TAPBP: variants seen among roughly 807,000 people sequenced by gnomAD.
The protein encoded by TAPBP is tapasin.
A neutral mutation model predicts 45.7 loss-of-function variants in TAPBP; 38 were observed. That is an observed-to-expected ratio of 0.83 (90% CI 0.64 to 1.09). The LOEUF is 1.09. Ranked by LOEUF, TAPBP falls within the 50% of genes least tolerant of loss-of-function variation. TAPBP has a pLI of 0.00. For synonymous variants in TAPBP, 226 were observed against 254.8 expected (o/e 0.89, Z 1.08); for missense variants, 513 against 587.3 (o/e 0.87, Z 1.31).
intron 4 of TAPBP, 148 bp downstream of exon 4, chr6:33,304,841 T>C: frequency 7.3e-7 from 1 of 1,361,482 alleles, no homozygotes; most frequent in Non-Finnish European, 1.0e-6. Flanking sequence ...ACTTCTAGCC[T>C]CCCATTACCC....
chr6:33,305,727 C>T lies in TAPBP; in HGVS notation c.470-340G>A, dbSNP rs1768932406. On this transcript the variant is annotated intron_variant, in intron 3 of 7. Coordinates refer to ENST00000434618, the MANE Select transcript of TAPBP (RefSeq NM_003190.5). This position sits in a 1 kb window ranked among gnomAD's most constrained non-coding sequence, Gnocchi z 4.4. ...AGGCCACTTCTGACACAACCTGAAC[C>T]ACTCTATCTCCAAGCACCACCCTTG... 6.6e-6 allele frequency among the ~76,000 whole-genome samples: 1 copy of T among 152,200 alleles called. No individual in the cohort carries two copies. The highest frequency in any genetic ancestry group is 1.5e-5 in the Non-Finnish European group (1 of 68,032).
In TAPBP at chr6:33,304,337, A is replaced by G. The variant is rs767948022; in HGVS notation, c.1170T>C (p.Pro390=). Residue 390 remains proline, a synonymous_variant, in exon 5 of 8, where the codon CCT becomes CCC. Transcript: ENST00000434618. ...YACRIHHPSL[P]ASGRSAEVTL... is the part of the protein sequence containing the mutation. The stretch of plus-strand genomic sequence containing the variant: ...TGACCTCAGCGCTGCGCCCCGAGGC[A>G]GGCAGGCTGGGATGGTGAATTCGAC... 9.3e-6 allele frequency: 15 copies of G among 1,608,828 alleles called. No homozygotes were observed. Among genetic ancestry groups the G allele is most frequent in the South Asian group, 2.2e-5 (2 of 90,602 alleles).
intron 3 of TAPBP, among the ~76,000 whole-genome samples, chr6:33,311,733 C>T (rs11969475): frequency 6.6e-6 from 1 of 152,236 alleles, no homozygotes; most frequent in Admixed American, 6.5e-5. Context: ...CCGGGCACTT[C>T]CAGGGCTCCC....
intron 7 of TAPBP, 141 bp from the exon 8 acceptor site, chr6:33,301,912 C>G: frequency 8.4e-7 from 1 of 1,186,408 alleles, no homozygotes; most frequent in Non-Finnish European, 1.2e-6. Context: ...CCTCCAGACA[C>G]TGCTGAGTGC....
At chr6:33,310,523 A>G (rs1769275049) in intron 3 of TAPBP, among the ~76,000 whole-genome samples, 2 of 150,708 alleles carry the variant, frequency 1.3e-5, no homozygotes, top group South Asian at 4.2e-4. Context: ...AAAAAAAAAA[A>G]AAAAAAGTAT....
rs200280998 is a variant in TAPBP, at chr6:33,304,533, C to A, written c.974G>T (p.Gly325Val). 2.9e-5 allele frequency: 47 copies of A among 1,612,362 alleles called. No homozygotes were observed. Among genetic ancestry groups the A allele is most frequent in the Non-Finnish European group, 3.9e-5 (46 of 1,179,892 alleles). Residue 325 changes from glycine to valine, a missense_variant, in exon 5 of 8, where the codon GGC becomes GTC. By Grantham distance (109) the Gly-to-Val change is moderately radical (BLOSUM62 -3). Coordinates refer to ENST00000434618, the MANE Select transcript of TAPBP (RefSeq NM_003190.5). ...CCGGAGTTCCCACTCCACCTCCAGG[C>A]CCCCAGAAGGGTAGAAGTGGGACAC... is the stretch of plus-strand genomic sequence containing the variant. The part of the protein sequence containing the change: ...CLVSHFYPSG[G>V]LEVEWELRGG...
intron 3 of TAPBP, among the ~76,000 whole-genome samples, chr6:33,311,502 C>A (rs981689545): frequency 1.3e-5 from 2 of 151,918 alleles, no homozygotes; most frequent in African/African-American, 4.8e-5. Flanking sequence ...GTGGCAGGCA[C>A]CTGTAATCCC....
intron 3 of TAPBP, among the ~76,000 whole-genome samples, chr6:33,312,710 G>A (rs1769439600): frequency 6.6e-6 from 1 of 152,268 alleles, no homozygotes. Context: ...GCGCTAGAGT[G>A]CAAGAGCCTT....
chr6:33,307,400 T>C (rs1316980265), intron 3 of TAPBP, among the ~76,000 whole-genome samples: 1 of 136,686 alleles, frequency 7.3e-6, no homozygotes, highest in African/African-American at 2.7e-5. Flanking sequence ...GCTTCTTTTT[T>C]TTTTTTTTTT....
intron 3 of TAPBP, among the ~76,000 whole-genome samples, chr6:33,307,028 C>A (rs749718286): frequency 6.6e-6 from 1 of 151,524 alleles, no homozygotes; most frequent in Non-Finnish European, 1.5e-5. Context: ...TGGCTCACAC[C>A]TGTAATCCCA....
At chr6:33,307,360 C>CTA (rs1769043624) in intron 3 of TAPBP, among the ~76,000 whole-genome samples, 1 of 148,758 alleles carries the variant, frequency 6.7e-6, no homozygotes, top group Admixed American at 6.7e-5. Flanking sequence ...TAGGCTGAAG[C>CTA]TATATGGCCT....
chr6:33,304,659 G>C (rs1175696586), intron 4 of TAPBP, 21 bp from the exon 5 acceptor site: 2 of 1,540,014 alleles, frequency 1.3e-6, no homozygotes, highest in African/African-American at 2.7e-5. Context: ...AGGACGAAAT[G>C]AGCATAGGGA....
Position 33,306,705 on chromosome 6 carries a change from G to A in TAPBP, c.470-1318C>T, listed in dbSNP as rs189711367. Among the ~76,000 whole-genome samples, 669 of 152,338 alleles carry A rather than the reference G, an allele frequency of 4.4e-3. 5 individuals carry two copies. Among genetic ancestry groups the A allele is most frequent in the Non-Finnish European group, 6.8e-3 (460 of 68,032 alleles). ...TAAAAATCCCAAATATGGGCCAGAC[G>A]CAGTGGTTCATGCCTATAATCCCAG... On this transcript the variant is annotated intron_variant, in intron 3 of 7. Transcript: ENST00000434618.
In TAPBP at chr6:33,304,970, CCT is replaced by C; in HGVS notation, c.868+17_868+18del. 1 of 1,612,716 alleles carries C rather than the reference CCT, an allele frequency of 6.2e-7. No homozygotes were observed. The highest frequency in any genetic ancestry group is 8.5e-7 in the Non-Finnish European group (1 of 1,179,080). On this transcript the variant is annotated intron_variant, in intron 4 of 7. Coordinates refer to ENST00000434618, the MANE Select transcript of TAPBP (RefSeq NM_003190.5). ...AGTGCCCACCCTCTACCCCTGGAGA[CCT>C]CTGTCCCCCAACTCACTGTACACAG...
At chr6:33,303,886 C>T (rs1562684665) in intron 7 of TAPBP, 69 bp downstream of exon 7, 2 of 1,613,968 alleles carry the variant, frequency 1.2e-6, no homozygotes, top group Non-Finnish European at 1.7e-6. Context: ...AGCCTCCCTC[C>T]ATGGGTTTTG....
chr6:33,313,336 C>T lies in TAPBP; in HGVS notation c.350G>A (p.Arg117Gln), dbSNP rs755885426. 2 of 1,613,458 alleles carry T rather than the reference C, an allele frequency of 1.2e-6. No homozygotes were observed. Among genetic ancestry groups the T allele is most frequent in the Non-Finnish European group, 8.5e-7 (1 of 1,179,960 alleles). Residue 117 changes from arginine to glutamine, a missense_variant, in exon 3 of 8, where the codon CGG becomes CAG. Transcript: ENST00000434618. The surrounding 1 kb of genome is among the most constrained non-coding windows in gnomAD (Gnocchi z 7.2). ...CATCAGCCAAGCCCCATCCAGGGCC[C>T]GCGGGCAGTTCTGCGCGGGGGTCAG... Reference protein sequence around the residue: ...SGLTPAQNCPRALDGAWLMVS... With the variant: ...SGLTPAQNCPQALDGAWLMVS...
intron 3 of TAPBP, among the ~76,000 whole-genome samples, chr6:33,306,650 C>T (rs765005758): frequency 6.6e-6 from 1 of 152,226 alleles, no homozygotes; most frequent in Non-Finnish European, 1.5e-5. Context: ...AACAAAGTGA[C>T]TACAAGTCTG....
intron 3 of TAPBP, among the ~76,000 whole-genome samples, chr6:33,312,619 C>T (rs1193909147): frequency 1.3e-5 from 2 of 152,216 alleles, no homozygotes; most frequent in Non-Finnish European, 2.9e-5. Context: ...CAGCCGCGTC[C>T]ATCCGCCCAC....
chr6:33,309,597 C>CTT (rs1491313218), intron 3 of TAPBP, among the ~76,000 whole-genome samples: 11 of 95,396 alleles, frequency 1.2e-4, no homozygotes, highest in South Asian at 4.1e-4. Flanking sequence ...TACAGTTTAA[C>CTT]TCTTTTTTTT....
Sources: gnomAD v4.1 joint callset for allele counts (sites outside exome capture counted in the v4.1 genomes callset) on GRCh38, gnomAD v4.1.1 for gene constraint, Gnocchi (gnomAD v3.1) non-coding constraint, MANE v1.5 for transcripts, NCBI Gene and HGNC (gene_info 2026-07-23, HGNC 2026-07-21) for gene names.